HSD17B4: variants seen among roughly 807,000 people sequenced by gnomAD.
HSD17B4 encodes hydroxysteroid 17-beta dehydrogenase 4, also known as peroxisomal multifunctional enzyme type 2.
A neutral mutation model predicts 101.0 loss-of-function variants in HSD17B4; 70 were observed. The ratio of observed to expected loss-of-function variants is 0.69; its 90% CI spans 0.57 to 0.85. The LOEUF is 0.85. HSD17B4 is among the 40% of genes least tolerant of loss of function. The pLI, the probability that HSD17B4 is intolerant of heterozygous loss-of-function variation, is 0.00. For synonymous variants in HSD17B4, 347 were observed against 297.1 expected (o/e 1.17, Z -1.73); for missense variants, 984 against 892.4 (o/e 1.10, Z -1.31).
chr5:119,509,422 C>T, intron 16 of HSD17B4, 178 bp downstream of exon 16: 2 of 696,590 alleles, frequency 2.9e-6, no homozygotes, highest in South Asian at 3.0e-5. Flanking sequence ...CCTCTTCCTC[C>T]TCCTCAGCCT....
intron 9 of HSD17B4, among the ~76,000 whole-genome samples, chr5:119,489,735 C>T (rs1469413397): frequency 6.6e-6 from 1 of 152,018 alleles, no homozygotes; most frequent in Non-Finnish European, 1.5e-5. Flanking sequence ...TAGCACTCAA[C>T]CACCAATTTT....
chr5:119,459,919 G>A (rs1755050203), intron 2 of HSD17B4, among the ~76,000 whole-genome samples: 1 of 149,002 alleles, frequency 6.7e-6, no homozygotes, highest in Non-Finnish European at 1.5e-5. Flanking sequence ...TGCCCAGGCC[G>A]GACTGCAGTG....
intron 9 of HSD17B4, among the ~76,000 whole-genome samples, chr5:119,490,193 T>A (rs1480122810): frequency 6.6e-6 from 1 of 152,136 alleles, no homozygotes; most frequent in African/African-American, 2.4e-5. Context: ...TCTGAGCAGA[T>A]ATATGCACCT....
chr5:119,458,345 AT>A (rs535781631), intron 2 of HSD17B4, among the ~76,000 whole-genome samples: 312 of 140,406 alleles, frequency 2.2e-3, no homozygotes, highest in Admixed American at 2.2e-3. Flanking sequence ...ACACACACTA[AT>A]TTTTTTTTTT....
chr5:119,485,739 G>T (rs1028145603), intron 8 of HSD17B4, among the ~76,000 whole-genome samples: 1 of 152,062 alleles, frequency 6.6e-6, no homozygotes, highest in Non-Finnish European at 1.5e-5. Context: ...GAAAAATAAT[G>T]TGTATAACTT....
intron 10 of HSD17B4, 70 bp from the exon 11 acceptor site, chr5:119,493,748 G>A: frequency 5.8e-6 from 8 of 1,376,342 alleles, no homozygotes; most frequent in South Asian, 2.4e-5. Flanking sequence ...AAAATGAAAG[G>A]GTTCTTATGC....
chr5:119,484,787 C>A (rs1749464353), intron 8 of HSD17B4, among the ~76,000 whole-genome samples: 1 of 152,094 alleles, frequency 6.6e-6, no homozygotes, highest in African/African-American at 2.4e-5. Context: ...CTGTGTCTAA[C>A]CAATTTTCTT....
In HSD17B4 at chr5:119,536,533, A is replaced by C; in HGVS notation, c.2104A>C (p.Lys702Gln). ...DEDFMEVVLGKLDPQKAFFSG... is the reference protein window; with the variant it reads ...DEDFMEVVLGQLDPQKAFFSG... ...AGATTTCATGGAGGTGGTCCTGGGC[A>C]AGCTTGACCCTCAGAAGGTAATGTT... The change falls in exon 23 of 24, where the codon AAG (lysine) becomes CAG (glutamine). Residue 702 changes from lysine to glutamine, a missense_variant. By Grantham distance (53) the Lys-to-Gln change is moderately conservative. Transcript: ENST00000510025. 6.2e-7 allele frequency: 1 copy of C among 1,612,158 alleles called. No homozygotes were observed. Among genetic ancestry groups the C allele is most frequent in the Non-Finnish European group, 8.5e-7 (1 of 1,178,462 alleles).
chr5:119,514,348 A>T (rs1752427524), intron 16 of HSD17B4, among the ~76,000 whole-genome samples: 1 of 152,218 alleles, frequency 6.6e-6, no homozygotes, highest in Admixed American at 6.5e-5. Context: ...AAATTTACTT[A>T]AATTATTCTA....
At chr5:119,491,715 A>G (rs528515951) in intron 9 of HSD17B4, among the ~76,000 whole-genome samples, 4 of 152,256 alleles carry the variant, frequency 2.6e-5, no homozygotes, top group African/African-American at 9.6e-5. Context: ...TAGGCAGTGT[A>G]CTATTTATAT....
At chr5:119,472,541 C>T (rs189385974) in intron 2 of HSD17B4, 20 of 152,128 alleles carry the variant, frequency 1.3e-4, no homozygotes, top group African/African-American at 4.6e-4. Flanking sequence ...TCAAGCGATT[C>T]TCCTGCCTCA....
chr5:119,464,105 A>G (rs1755564092), intron 2 of HSD17B4, among the ~76,000 whole-genome samples: 1 of 152,018 alleles, frequency 6.6e-6, no homozygotes, highest in Non-Finnish European at 1.5e-5. Flanking sequence ...TTGTTGGATG[A>G]ATAGTTTGCA....
chr5:119,524,142 A>G lies in HSD17B4; in HGVS notation c.1504-1074A>G, dbSNP rs184027763. Among the ~76,000 whole-genome samples, 143 of 152,200 alleles carry G rather than the reference A, an allele frequency of 9.4e-4. 1 individual carries two copies. The highest frequency in any genetic ancestry group is 3.2e-3 in the African/African-American group (131 of 41,550). ...ATTCAATAATTGTTTATTTGATTTC[A>G]TTATATTAAGAAGACATGTAAAGGA... On this transcript the variant is annotated intron_variant, in intron 17 of 23. Transcript: ENST00000510025.
chr5:119,519,727 A>G (rs1007803315), intron 17 of HSD17B4, among the ~76,000 whole-genome samples: 1 of 152,238 alleles, frequency 6.6e-6, no homozygotes, highest in Non-Finnish European at 1.5e-5. Context: ...TAGGACCATA[A>G]AGAACTCATG....
intron 19 of HSD17B4, among the ~76,000 whole-genome samples, chr5:119,526,374 T>G (rs1485966209): frequency 6.6e-6 from 1 of 151,796 alleles, no homozygotes. Context: ...ATTAAAAATG[T>G]TAAGTGGCTG....
intron 8 of HSD17B4, among the ~76,000 whole-genome samples, chr5:119,479,835 TA>T (rs1302852001): frequency 6.6e-6 from 1 of 152,136 alleles, no homozygotes; most frequent in Non-Finnish European, 1.5e-5. Flanking sequence ...CATAAGTTTT[TA>T]AGTCGTGTAA....
intron 21 of HSD17B4, among the ~76,000 whole-genome samples, chr5:119,530,442 T>C (rs1281290014): frequency 6.6e-6 from 1 of 152,192 alleles, no homozygotes; most frequent in Non-Finnish European, 1.5e-5. Context: ...GTTTATATTC[T>C]ATCTCTGAAA....
chr5:119,522,253 A>G (rs1480941956), intron 17 of HSD17B4, among the ~76,000 whole-genome samples: 1 of 152,214 alleles, frequency 6.6e-6, no homozygotes, highest in African/African-American at 2.4e-5. Flanking sequence ...TGTCCCTACA[A>G]AAGACATGAA....
chr5:119,489,473 A>G (rs2126741140), intron 9 of HSD17B4, among the ~76,000 whole-genome samples, 190 bp downstream of exon 9: 1 of 152,304 alleles, frequency 6.6e-6, no homozygotes, highest in Non-Finnish European at 1.5e-5. Flanking sequence ...TTAGTTCTAC[A>G]TTTGTAACAT....
Sources: allele counts gnomAD v4.1 joint callset (sites outside exome capture counted in the v4.1 genomes callset), GRCh38; gene constraint gnomAD v4.1.1; transcripts MANE v1.5; gene names NCBI Gene and HGNC (gene_info 2026-07-23, HGNC 2026-07-21).